The following CUX1 variants were observed in gnomAD, a reference collection of about 807,000 sequenced individuals.
The protein encoded by CUX1 is cut like homeobox 1.
In CUX1, 31 loss-of-function variants were observed where a neutral mutation model predicts 158.8. That is an observed-to-expected ratio of 0.20 (90% CI 0.15 to 0.26). CUX1 has a LOEUF of 0.26. Among genes scored for constraint, CUX1 ranks in the 10% least tolerant of loss-of-function variants. The probability of loss-of-function intolerance (pLI) is 1.00; values close to 1 mark genes in which losing one functional copy is unlikely to be tolerated. For synonymous variants in CUX1, 879 were observed against 862.1 expected (o/e 1.02, Z -0.34); for missense variants, 1,589 against 2,014.6 (o/e 0.79, Z 4.04).
chr7:101,844,447 T>C (rs928396610), intron 1 of CUX1, among the ~76,000 whole-genome samples: 3 of 152,148 alleles, frequency 2.0e-5, no homozygotes, highest in Non-Finnish European at 4.4e-5. Context: ...AGGTCAAAAT[T>C]CTTTTTCTTC....
intron 3 of CUX1, among the ~76,000 whole-genome samples, chr7:102,068,551 G>A (rs1489738385): frequency 6.6e-6 from 1 of 152,178 alleles, no homozygotes; most frequent in Non-Finnish European, 1.5e-5. Flanking sequence ...AGGCTGCTAT[G>A]TGTTCGATTT....
chr7:102,146,569 G>A (rs990252580), intron 8 of CUX1, among the ~76,000 whole-genome samples: 8 of 152,010 alleles, frequency 5.3e-5, no homozygotes, highest in Non-Finnish European at 1.0e-4. Context: ...AACCAAACTC[G>A]TTCTTATGTT....
At position 102,248,287 on chromosome 7, in the gene CUX1, G is replaced by C; in HGVS notation, c.3888-125G>C. On this transcript the variant is annotated intron_variant, in intron 23 of 23. Coordinates refer to ENST00000292535, the MANE Select transcript of CUX1 (RefSeq NM_181552.4). The surrounding 1 kb of genome is among the most constrained non-coding windows in gnomAD (Gnocchi z 5.8). ...CCGTGGCCCGAGGGTCGCTGGAGGG[G>C]CACGGAGGGGCCTCCAGGCTGGACG... The C allele has an allele frequency of 2.3e-6, 2 of 874,692 alleles. No homozygotes were observed. Among genetic ancestry groups the C allele is most frequent in the Non-Finnish European group, 3.3e-6 (2 of 601,722 alleles). The allele number at this position is 874,692 out of a possible 1,614,324, so 54.2% of individuals were successfully genotyped here.
chr7:102,098,807 AT>A (rs112048598), intron 5 of CUX1, among the ~76,000 whole-genome samples: 134 of 67,992 alleles, frequency 2.0e-3, no homozygotes, highest in African/African-American at 4.9e-3. Context: ...CGCCCAACTA[AT>A]TTTTTTTTTT....
At chr7:101,922,490 G>T (rs1009798988) in intron 2 of CUX1, among the ~76,000 whole-genome samples, 1 of 152,194 alleles carries the variant, frequency 6.6e-6, no homozygotes, top group Non-Finnish European at 1.5e-5. Flanking sequence ...CCTGGGAAAT[G>T]CACGTTTGCA....
At chr7:101,820,020 T>C (rs1792296837) in intron 1 of CUX1, among the ~76,000 whole-genome samples, 1 of 152,192 alleles carries the variant, frequency 6.6e-6, no homozygotes, top group Admixed American at 6.5e-5. Context: ...ATTTAAAAAG[T>C]CTCCTGTTTT....
intron 4 of CUX1, among the ~76,000 whole-genome samples, chr7:102,092,766 A>G (rs886305248): frequency 6.6e-6 from 1 of 151,848 alleles, no homozygotes; most frequent in Non-Finnish European, 1.5e-5. Context: ...ATACAAAATT[A>G]TCCTGGCATG....
At chr7:102,173,131 G>T (rs952180777) in intron 10 of CUX1, among the ~76,000 whole-genome samples, 1 of 151,952 alleles carries the variant, frequency 6.6e-6, no homozygotes, top group African/African-American at 2.4e-5. Flanking sequence ...GGGCCGAGGC[G>T]GGCAGATCAC....
At chr7:101,821,250 C>T (rs983044510) in intron 1 of CUX1, among the ~76,000 whole-genome samples, 5 of 151,762 alleles carry the variant, frequency 3.3e-5, no homozygotes, top group Non-Finnish European at 5.9e-5. Flanking sequence ...AAGATACTCC[C>T]CCCCGCCCCC....
At position 102,193,821 on chromosome 7, in the gene CUX1, C is replaced by G. The variant is rs552990907; in HGVS notation, c.1077-21C>G. On this transcript the variant is annotated intron_variant, in intron 12 of 23. Transcript: ENST00000292535. ...TGTCTCAAAAAATAAATAAAATAAC[C>G]CCTCTGTTGTGCTCTTGCAGCATTC... is the stretch of plus-strand genomic sequence containing the variant. 148 of 1,612,428 alleles carry G rather than the reference C, an allele frequency of 9.2e-5. 1 individual carries two copies. The East Asian group carries it at 2.5e-3, about 28-fold the overall frequency.
At chr7:102,224,039 C>T (rs1798103706) in intron 20 of CUX1, among the ~76,000 whole-genome samples, 2 of 152,218 alleles carry the variant, frequency 1.3e-5, no homozygotes, top group African/African-American at 4.8e-5. Context: ...GTGTCTCCAA[C>T]GCGTCTGTTT....
intron 12 of CUX1, among the ~76,000 whole-genome samples, chr7:102,191,236 T>C (rs1489005310): frequency 2.0e-5 from 3 of 152,158 alleles, no homozygotes; most frequent in African/African-American, 7.2e-5. Context: ...CTTGCTTGCT[T>C]ACTTATTTAT....
intron 1 of CUX1, among the ~76,000 whole-genome samples, chr7:101,896,400 AG>A (rs1255969121): frequency 1.7e-4 from 26 of 152,304 alleles, no homozygotes; most frequent in South Asian, 2.1e-4. Flanking sequence ...GGGTGAATGA[AG>A]GGGTGTATGA....
intron 1 of CUX1, among the ~76,000 whole-genome samples, chr7:101,905,468 C>T (rs964556880): frequency 3.9e-5 from 6 of 152,206 alleles, no homozygotes; most frequent in African/African-American, 1.4e-4. Context: ...AGATTCTGTT[C>T]ACCCGACAGG....
At chr7:102,139,240 A>C (rs1253129021) in intron 8 of CUX1, among the ~76,000 whole-genome samples, 1 of 123,042 alleles carries the variant, frequency 8.1e-6, no homozygotes, top group Admixed American at 8.3e-5. Flanking sequence ...GAGAGACTAC[A>C]TCTTAAAAAA....
intron 2 of CUX1, among the ~76,000 whole-genome samples, chr7:101,986,344 A>G (rs956368949): frequency 5.9e-5 from 9 of 152,218 alleles, no homozygotes; most frequent in South Asian, 2.1e-4. Flanking sequence ...CTTGTTTTCA[A>G]GATATGTATT....
At chr7:101,967,510 T>C (rs1439165557) in intron 2 of CUX1, among the ~76,000 whole-genome samples, 1 of 152,258 alleles carries the variant, frequency 6.6e-6, no homozygotes, top group Non-Finnish European at 1.5e-5. Context: ...GTGATGTTCA[T>C]TGAATGCAAA....
chr7:102,187,729 T>C (rs1793789794), intron 11 of CUX1, among the ~76,000 whole-genome samples: 1 of 151,704 alleles, frequency 6.6e-6, no homozygotes, highest in South Asian at 2.1e-4. Flanking sequence ...CAGGATGGTC[T>C]CAATCTCCTG....
chr7:102,174,245 A>G (rs2077413002), intron 10 of CUX1, among the ~76,000 whole-genome samples: 1 of 152,124 alleles, frequency 6.6e-6, no homozygotes, highest in Non-Finnish European at 1.5e-5. Context: ...CAGCCTTCTG[A>G]ATAGCTGGGA....
Sources: gnomAD v4.1 joint callset for allele counts (sites outside exome capture counted in the v4.1 genomes callset) on GRCh38, gnomAD v4.1.1 for gene constraint, Gnocchi (gnomAD v3.1) non-coding constraint, MANE v1.5 for transcripts, NCBI Gene and HGNC (gene_info 2026-07-23, HGNC 2026-07-21) for gene names.